The following RBM20 variants were observed in gnomAD, a reference collection of about 807,000 sequenced individuals.
RBM20 encodes RNA-binding protein 20.
In RBM20, 51 loss-of-function variants were observed where a neutral mutation model predicts 110.1. The ratio of observed to expected loss-of-function variants is 0.46; its 90% CI spans 0.37 to 0.59. The LOEUF is 0.59. Ranked by LOEUF, RBM20 falls within the 20% of genes least tolerant of loss-of-function variation. RBM20 has a pLI of 0.00. For synonymous variants in RBM20, 589 were observed against 618.2 expected, an observed-to-expected ratio of 0.95 and a Z score of 0.70; for missense variants, 1,512 against 1,574.9, an observed-to-expected ratio of 0.96 and a Z score of 0.68.
At chr10:110,703,423 A>T (rs1862789471) in intron 1 of RBM20, among the ~76,000 whole-genome samples, 1 of 152,084 alleles carries the variant, frequency 6.6e-6, no homozygotes, top group Non-Finnish European at 1.5e-5. Context: ...AGAATGTATC[A>T]GTTAAAAATA....
chr10:110,686,252 T>C (rs1862503420), intron 1 of RBM20, among the ~76,000 whole-genome samples: 1 of 152,162 alleles, frequency 6.6e-6, no homozygotes, highest in African/African-American at 2.4e-5. Context: ...TTACTTTCCT[T>C]ACTCTTTATT....
At chr10:110,722,484 C>T (rs1233816905) in intron 1 of RBM20, among the ~76,000 whole-genome samples, 4 of 152,092 alleles carry the variant, frequency 2.6e-5, no homozygotes, top group Non-Finnish European at 5.9e-5. Context: ...TCTGTGGGTT[C>T]GAACAAATGT....
intron 5 of RBM20, among the ~76,000 whole-genome samples, chr10:110,794,661 C>G (rs1300474316): frequency 6.6e-5 from 10 of 152,194 alleles, no homozygotes; most frequent in Non-Finnish European, 1.5e-4. Context: ...TCATTAGTGT[C>G]TTAATAAATG....
chr10:110,707,594 C>A (rs1862860791), intron 1 of RBM20, among the ~76,000 whole-genome samples: 1 of 149,984 alleles, frequency 6.7e-6, no homozygotes, highest in Non-Finnish European at 1.5e-5. Flanking sequence ...TGAAATCCTG[C>A]CATTTGCAAT....
At chr10:110,659,219 T>C (rs1862065972) in intron 1 of RBM20, among the ~76,000 whole-genome samples, 1 of 152,234 alleles carries the variant, frequency 6.6e-6, no homozygotes, top group East Asian at 1.9e-4. Flanking sequence ...TTGGACTGCC[T>C]GTCTGAAAGG....
At chr10:110,775,787 G>A (rs890829740) in intron 1 of RBM20, among the ~76,000 whole-genome samples, 23 of 152,158 alleles carry the variant, frequency 1.5e-4, no homozygotes, top group Admixed American at 7.2e-4. Flanking sequence ...TTAAATGCCC[G>A]TGGTTTACGT....
chr10:110,838,232 A>G lies in RBM20; in HGVS notation c.*2254A>G, dbSNP rs971172401. On this transcript the variant is annotated 3_prime_UTR_variant, in exon 14 of 14. Transcript: ENST00000369519. ...ATTTTATAGAATGACATGTTGCCCA[A>G]TTCTAGAATCAAAAATAAAGGCCAA... 3.3e-5 allele frequency: 5 copies of G among 152,208 alleles called. No homozygotes were observed. The highest frequency in any genetic ancestry group is 1.2e-4 in the African/African-American group (5 of 41,450). The allele number at this position is 152,208 out of a possible 1,614,324, so 9.4% of individuals were successfully genotyped here. A position where few individuals can be genotyped will look rare whatever the true frequency, so the allele number is the denominator to read the frequency against.
intron 5 of RBM20, among the ~76,000 whole-genome samples, chr10:110,791,534 T>C (rs1415998909): frequency 1.3e-5 from 2 of 152,256 alleles, no homozygotes; most frequent in Non-Finnish European, 2.9e-5. Flanking sequence ...TATTTCTACC[T>C]GCACCAAGGG....
chr10:110,762,827 A>C (rs1026050931), intron 1 of RBM20, among the ~76,000 whole-genome samples: 1 of 151,918 alleles, frequency 6.6e-6, no homozygotes, highest in African/African-American at 2.4e-5. Context: ...TTTTCAATAA[A>C]CTCTTAGTCT....
chr10:110,800,808 C>A (rs1004107381), intron 7 of RBM20, among the ~76,000 whole-genome samples: 1 of 152,176 alleles, frequency 6.6e-6, no homozygotes, highest in African/African-American at 2.4e-5. Context: ...TCTTACAGAT[C>A]TTGCTTCTTT....
intron 1 of RBM20, among the ~76,000 whole-genome samples, chr10:110,704,403 A>G (rs1012300530): frequency 3.3e-5 from 5 of 152,220 alleles, no homozygotes; most frequent in Non-Finnish European, 7.3e-5. Context: ...TCTCTGGGAA[A>G]AATGCCTAAA....
intron 1 of RBM20, among the ~76,000 whole-genome samples, chr10:110,731,594 T>TA (rs1368080184): frequency 6.6e-6 from 1 of 152,230 alleles, no homozygotes; most frequent in Non-Finnish European, 1.5e-5. Context: ...CTGCCATCTT[T>TA]AAAAAATAAT....
intron 1 of RBM20, among the ~76,000 whole-genome samples, chr10:110,770,207 G>A (rs144726862): frequency 1.3e-5 from 2 of 152,232 alleles, no homozygotes; most frequent in Non-Finnish European, 2.9e-5. Flanking sequence ...CCCAGCATCT[G>A]TGTTTTAGGA....
At chr10:110,804,322 G>A (rs1377784696) in intron 7 of RBM20, among the ~76,000 whole-genome samples, 1 of 152,194 alleles carries the variant, frequency 6.6e-6, no homozygotes, top group Non-Finnish European at 1.5e-5. Context: ...ATCAGGAGGA[G>A]GGAGAGTGGC....
intron 2 of RBM20, among the ~76,000 whole-genome samples, chr10:110,783,155 G>A (rs546234114): frequency 1.3e-5 from 2 of 152,280 alleles, no homozygotes; most frequent in African/African-American, 4.8e-5. Flanking sequence ...ATGTATGGAT[G>A]AGGAGCTGAT....
intron 1 of RBM20, among the ~76,000 whole-genome samples, chr10:110,744,242 G>A (rs899061019): frequency 1.3e-5 from 2 of 152,146 alleles, no homozygotes; most frequent in Non-Finnish European, 2.9e-5. Flanking sequence ...ACAGTGCCTG[G>A]CACACAGTAG....
intron 1 of RBM20, among the ~76,000 whole-genome samples, chr10:110,651,714 C>T (rs6585005): frequency 0.027 from 4,105 of 152,232 alleles, 167 homozygotes; most frequent in African/African-American, 0.089. Flanking sequence ...GTCAGTTGGC[C>T]GCAGAGACCA....
intron 1 of RBM20, among the ~76,000 whole-genome samples, chr10:110,672,897 G>A (rs1216595744): frequency 6.6e-6 from 1 of 152,142 alleles, no homozygotes; most frequent in African/African-American, 2.4e-5. Flanking sequence ...CTATACATAC[G>A]TTAGATTTAT....
At chr10:110,658,485 C>G (rs192783359) in intron 1 of RBM20, among the ~76,000 whole-genome samples, 1 of 152,142 alleles carries the variant, frequency 6.6e-6, no homozygotes, top group Admixed American at 6.5e-5. Flanking sequence ...TCGGAGATCC[C>G]GGGCTCAGAG....
Sources: allele counts gnomAD v4.1 joint callset (sites outside exome capture counted in the v4.1 genomes callset), GRCh38; gene constraint gnomAD v4.1.1; transcripts MANE v1.5; gene names NCBI Gene and HGNC (gene_info 2026-07-23, HGNC 2026-07-21).